The following TMED1 variants were observed in gnomAD, a reference collection of about 807,000 sequenced individuals.
TMED1 encodes the protein transmembrane emp24 domain-containing protein 1.
Under a neutral mutation model 21.2 loss-of-function variants are expected in TMED1, and 20 were observed. The ratio of observed to expected loss-of-function variants is 0.95; its 90% confidence interval spans 0.67 to 1.37. TMED1 has a LOEUF of 1.37. Ranked by LOEUF, TMED1 falls within the 40% of genes most tolerant of loss-of-function variation. TMED1 has a pLI of 0.00. For missense variants in TMED1, 316 were observed against 309.8 expected, an observed-to-expected ratio of 1.02 and a Z score of -0.15; for synonymous variants, 149 against 134.7, an observed-to-expected ratio of 1.11 and a Z score of -0.74.
At position 10,835,058 on chromosome 19, in the gene TMED1, A is replaced by G. The variant is rs769122602; in HGVS notation, c.341T>C (p.Ile114Thr). The stretch of plus-strand genomic sequence containing the variant: ...TTCAAAGAACACCAGCTTCTCGGAG[A>G]TGGTGCTGAAGGAGTTGTCAAAGCA... The part of the protein sequence containing the change: ...KLCFDNSFST[I>T]SEKLVFFELI... Residue 114 changes from isoleucine to threonine, a missense_variant, in exon 3 of 4, where the codon ATC (isoleucine) becomes ACC (threonine). Physicochemically the swap from Ile to Thr is moderately conservative, Grantham distance 89. Coordinates refer to ENST00000214869, the MANE Select transcript of TMED1 (RefSeq NM_006858.4). The G allele has an allele frequency of 6.2e-7, 1 of 1,614,214 alleles. No homozygotes were observed. The highest frequency in any genetic ancestry group is 1.1e-5 in the South Asian group (1 of 91,088).
Position 10,835,018 on chromosome 19 carries a change from G to A in TMED1, c.381C>T (p.Ser127=). The A allele has an allele frequency of 6.2e-7, 1 of 1,614,208 alleles. No individual in the cohort carries two copies. Among genetic ancestry groups the A allele is most frequent in the Non-Finnish European group, 8.5e-7 (1 of 1,180,038 alleles). ...CTTCGACCTCCTCGTCATCCTGGAG[G>A]CTGTCAAAGATCAGTTCAAAGAACA... ...KLVFFELIFD[S]LQDDEEVEGW... is the part of the protein sequence containing the mutation. The change falls in exon 3 of 4, where the codon AGC becomes AGT. Residue 127 remains serine (S), a synonymous_variant. Transcript: ENST00000214869.
chr19:10,835,776 C>T, intron 1 of TMED1: 1 of 1,419,494 alleles, frequency 7.0e-7, no homozygotes, highest in Non-Finnish European at 9.2e-7. Context: ...CTATACTTAT[C>T]GATGGCCCCG....
chr19:10,833,047 T>TGCAGCACAGCCACCAGCA lies in TMED1; in HGVS notation c.614_631dup (p.Leu205_Leu210dup), dbSNP rs769757927. The TGCAGCACAGCCACCAGCA allele has an allele frequency of 5.0e-6, 8 of 1,613,758 alleles. No homozygotes were observed. In the Admixed American group the frequency reaches 6.7e-5, roughly 13 times the overall value. On this transcript the variant is annotated inframe_insertion, in exon 4 of 4. Transcript: ENST00000214869. Reference sequence around the variant, plus strand: ...GAAGAAGCGCTTGAGCGTGCAGACCTGCAGCACAGCCACCAGCAGCAGCAC... The same window carrying TGCAGCACAGCCACCAGCA: ...GAAGAAGCGCTTGAGCGTGCAGACCTGCAGCACAGCCACCAGCAGCAGCACAGCCACCAGCAGCAGCAC...
chr19:10,834,627 C>T (rs890883866), intron 3 of TMED1, among the ~76,000 whole-genome samples: 6 of 151,822 alleles, frequency 4.0e-5, no homozygotes, highest in African/African-American at 1.5e-4. Context: ...TTACAGACGC[C>T]CGCCACCACA....
At position 10,832,886 on chromosome 19, in the gene TMED1, G is replaced by A; in HGVS notation, c.*109C>T. 1 of 1,281,700 alleles carries A rather than the reference G, an allele frequency of 7.8e-7. No individual in the cohort carries two copies. Among genetic ancestry groups the A allele is most frequent in the Non-Finnish European group, 1.1e-6 (1 of 923,604 alleles). The allele number at this position is 1,281,700 out of a possible 1,614,324, so 79.4% of individuals were successfully genotyped here. ...TGGGGCCAGACCGCAGGCCCTGACT[G>A]CACACTCCCGTTTTGGCAGGAAACT... On this transcript the variant is annotated 3_prime_UTR_variant, in exon 4 of 4. Coordinates refer to ENST00000214869, the MANE Select transcript of TMED1 (RefSeq NM_006858.4).
chr19:10,835,943 G>C, intron 1 of TMED1, 66 bp downstream of exon 1: 1 of 1,488,872 alleles, frequency 6.7e-7, no homozygotes, highest in East Asian at 2.6e-5. Flanking sequence ...AGCGCGCCTC[G>C]CCTCGACCGC....
chr19:10,832,477 C>A lies in TMED1; in HGVS notation c.*518G>T. 1.3e-6 allele frequency: 1 copy of A among 765,098 alleles called. No individual in the cohort carries two copies. Among genetic ancestry groups the A allele is most frequent in the Non-Finnish European group, 1.9e-6 (1 of 526,884 alleles). The allele number at this position is 765,098 out of a possible 1,614,324, so 47.4% of individuals were successfully genotyped here. A position where few individuals can be genotyped will look rare whatever the true frequency, so the allele number is the denominator to read the frequency against. ...TAATTTATTGACTCCAATGCCCAGG[C>A]CACACCACCCTTTGTTATAGGAGGC... On this transcript the variant is annotated 3_prime_UTR_variant, in exon 4 of 4. Transcript: ENST00000214869.
At chr19:10,835,502 A>C in intron 1 of TMED1, 149 bp from the exon 2 acceptor site, 1 of 1,479,178 alleles carries the variant, frequency 6.8e-7, no homozygotes, top group East Asian at 2.5e-5. Context: ...AACCTGTCCC[A>C]GTGGCTGCGC....
rs370918190 is a variant in TMED1 at position 10,833,152 on chromosome 19, C to T, written c.527G>A (p.Arg176Gln). 6 of 1,613,770 alleles carry T rather than the reference C, an allele frequency of 3.7e-6. No individual in the cohort carries two copies. The highest frequency in any genetic ancestry group is 2.7e-5 in the African/African-American group (2 of 74,918). The change falls in exon 4 of 4, where the codon CGG (arginine) becomes CAG (glutamine). Residue 176 changes from arginine (R) to glutamine (Q), a missense_variant. Transcript: ENST00000214869. ...GTTGCGGTCACGTGCCTCGAAGGCC[C>T]GCAGTAGCGTGAGCATCTGGATGCT... The part of the protein sequence containing the change: ...ERSIQMLTLL[R>Q]AFEARDRNLQ...
Position 10,832,799 on chromosome 19 carries a change from C to G in TMED1, c.*196G>C, listed in dbSNP as rs546780920. 2 of 635,800 alleles carry G rather than the reference C, an allele frequency of 3.1e-6. No individual in the cohort carries two copies. Among genetic ancestry groups the G allele is most frequent in the East Asian group, 5.5e-5 (2 of 36,416 alleles). The allele number at this position is 635,800 out of a possible 1,614,324, so 39.4% of individuals were successfully genotyped here. On this transcript the variant is annotated 3_prime_UTR_variant, in exon 4 of 4. Transcript: ENST00000214869. ...ATTTCCAGGACCGTCGGTGCAGCCA[C>G]TGAGCCGTCCCTTCTACAAGCCAGA... is the stretch of plus-strand genomic sequence containing the variant.
In TMED1 at chr19:10,832,297, G is replaced by C. The variant is rs1320051326; in HGVS notation, c.*698C>G. On this transcript the variant is annotated 3_prime_UTR_variant, in exon 4 of 4. Coordinates refer to ENST00000214869, the MANE Select transcript of TMED1 (RefSeq NM_006858.4). ...AACTTTGCTTTCTGATTTTTCTCTTGTGCCAGGCGACCACCTCCATCGGCT... is the reference window on the plus strand; with the variant it reads ...AACTTTGCTTTCTGATTTTTCTCTTCTGCCAGGCGACCACCTCCATCGGCT... 7.8e-7 allele frequency: 1 copy of C among 1,289,544 alleles called. No individual in the cohort carries two copies. The highest frequency in any genetic ancestry group is 1.0e-6 in the Non-Finnish European group (1 of 988,848). The allele number at this position is 1,289,544 out of a possible 1,614,324, so 79.9% of individuals were successfully genotyped here.
At position 10,833,202 on chromosome 19, in the gene TMED1, C is replaced by A; in HGVS notation, c.477G>T (p.Glu159Asp). The A allele has an allele frequency of 6.2e-7, 1 of 1,612,696 alleles. No individual in the cohort carries two copies. The highest frequency in any genetic ancestry group is 1.1e-5 in the South Asian group (1 of 90,932). ...VKMEDIKESI[E>D]TMRTRLERSI... ...TGCGCTCCAGCCGGGTCCGCATGGT[C>A]TCAATGGACTCCTACAGGGCAGCGG... Residue 159 changes from glutamate to aspartate, a missense_variant, in exon 4 of 4, where the codon GAG becomes GAT. Coordinates refer to ENST00000214869, the MANE Select transcript of TMED1 (RefSeq NM_006858.4).
Position 10,833,057 on chromosome 19 carries a change from C to G in TMED1, c.622G>C (p.Ala208Pro). ...AVNVAVLLLV[A>P]VLQVCTLKRF... ...TTGAGCGTGCAGACCTGCAGCACAG[C>G]CACCAGCAGCAGCACCGCCACGTTG... Residue 208 changes from alanine (A) to proline (P), a missense_variant, in exon 4 of 4, where the codon GCT (alanine) becomes CCT (proline). Physicochemically the swap from Ala to Pro is conservative, Grantham distance 27. Transcript: ENST00000214869. 6.2e-7 allele frequency: 1 copy of G among 1,613,938 alleles called. No homozygotes were observed.
In TMED1 at chr19:10,832,370, T is replaced by C. The variant is rs1489784627; in HGVS notation, c.*625A>G. 7.8e-7 allele frequency: 1 copy of C among 1,289,892 alleles called. No homozygotes were observed. Among genetic ancestry groups the C allele is most frequent in the Non-Finnish European group, 1.0e-6 (1 of 988,920 alleles). 79.9% of individuals were successfully genotyped at this position (1,289,892 alleles called of 1,614,324 possible). A position where few individuals can be genotyped will look rare whatever the true frequency, so the allele number is the denominator to read the frequency against. On this transcript the variant is annotated 3_prime_UTR_variant, in exon 4 of 4. Transcript: ENST00000214869. ...CTTCGTGGGAGGCCCCTCCCACCTG[T>C]CTGGCTGCCCCCTCGGGGGCCGGTC... is the stretch of plus-strand genomic sequence containing the variant.
chr19:10,835,303 C>G lies in TMED1; in HGVS notation c.234G>C (p.Gln78His). The stretch of plus-strand genomic sequence containing the variant: ...GGGACTCGCTGACCAACAGCACGCC[C>G]TGAGGGCTCTCCAGCGTGAAGTCCA... ...LDVDFTLESP[Q>H]GVLLVSESRK... Residue 78 changes from glutamine (Q) to histidine (H), a missense_variant, in exon 2 of 4, where the codon CAG (glutamine) becomes CAC (histidine). Gln to His is a conservative substitution (Grantham distance 24). Transcript: ENST00000214869. 6.2e-6 allele frequency: 10 copies of G among 1,613,992 alleles called. No homozygotes were observed. Among genetic ancestry groups the G allele is most frequent in the Non-Finnish European group, 8.5e-6 (10 of 1,179,972 alleles).
rs1410206541 is a variant in TMED1 at position 10,835,793 on chromosome 19, CTG to C, written c.183+214_183+215del. The C allele has an allele frequency of 1.0e-5, 10 of 985,152 alleles. No homozygotes were observed. In the South Asian group the frequency reaches 3.8e-4, roughly 37 times the overall value. 61.0% of individuals were successfully genotyped at this position (985,152 alleles called of 1,614,324 possible). ...ATACTTATCGATGGCCCCGCCCCCT[CTG>C]GATCTCTTACTCTAGCCCCGCCTGC... On this transcript the variant is annotated intron_variant, in intron 1 of 3. Transcript: ENST00000214869.
At position 10,833,065 on chromosome 19, in the gene TMED1, A is replaced by C. The variant is rs2073378301; in HGVS notation, c.614T>G (p.Leu205Arg). The C allele has an allele frequency of 6.2e-7, 1 of 1,614,008 alleles. No homozygotes were observed. The highest frequency in any genetic ancestry group is 2.2e-5 in the East Asian group (1 of 44,890). Residue 205 changes from leucine to arginine, a missense_variant, in exon 4 of 4, where the codon CTG becomes CGG. Transcript: ENST00000214869. Reference sequence around the variant, plus strand: ...GCAGACCTGCAGCACAGCCACCAGCAGCAGCACCGCCACGTTGACAGCTGA... The same window carrying C: ...GCAGACCTGCAGCACAGCCACCAGCCGCAGCACCGCCACGTTGACAGCTGA... ...FWSAVNVAVL[L>R]LVAVLQVCTL...
rs1433053390 is a variant in TMED1 at position 10,832,486 on chromosome 19, C to G, written c.*509G>C. The stretch of plus-strand genomic sequence containing the variant: ...GACTCCAATGCCCAGGCCACACCAC[C>G]CTTTGTTATAGGAGGCTTCTGCCTA... On this transcript the variant is annotated 3_prime_UTR_variant, in exon 4 of 4. Transcript: ENST00000214869. 3 of 741,284 alleles carry G rather than the reference C, an allele frequency of 4.0e-6. No individual in the cohort carries two copies. The highest frequency in any genetic ancestry group is 3.9e-6 in the Non-Finnish European group (2 of 508,926). 45.9% of individuals were successfully genotyped at this position (741,284 alleles called of 1,614,324 possible). A position where few individuals can be genotyped will look rare whatever the true frequency, so the allele number is the denominator to read the frequency against.
At chr19:10,835,416 G>T (rs955067252) in intron 1 of TMED1, 63 bp from the exon 2 acceptor site, 1 of 1,598,094 alleles carries the variant, frequency 6.3e-7, no homozygotes, top group African/African-American at 1.3e-5. Context: ...GCCGAAGAGG[G>T]CTACGGCTGA....
Sources: allele counts gnomAD v4.1 joint callset (sites outside exome capture counted in the v4.1 genomes callset), GRCh38; gene constraint gnomAD v4.1.1; transcripts MANE v1.5; gene names NCBI Gene and HGNC (gene_info 2026-07-23, HGNC 2026-07-21).